ARID2: variants seen among roughly 807,000 people sequenced by gnomAD.
The protein encoded by ARID2 is AT-rich interaction domain 2, also known as AT-rich interactive domain-containing protein 2.
A neutral mutation model predicts 184.6 loss-of-function variants in ARID2; 32 were observed. The observed-to-expected ratio is 0.17, with a 90% CI of 0.13 to 0.23. The LOEUF (loss-of-function observed/expected upper bound fraction) is 0.23, where lower values mean the gene tolerates loss of function less well. ARID2 is among the 10% of genes least tolerant of loss of function. ARID2 has a pLI of 1.00. For synonymous variants in ARID2, 836 were observed against 772.6 expected, an observed-to-expected ratio of 1.08 and a Z score of -1.36; for missense variants, 1,696 against 2,197.6, an observed-to-expected ratio of 0.77 and a Z score of 4.56.
rs546346062 is a variant in ARID2 at position 45,808,792 on chromosome 12, T to C, written c.285-2626T>C. 7.9e-5 allele frequency among the ~76,000 whole-genome samples: 12 copies of C among 152,144 alleles called. No individual in the cohort carries two copies. The South Asian group carries it at 2.5e-3, about 32-fold the overall frequency. ...GTGTGTGTGTGTTGAGACGAAGTTT[T>C]GCCCTATCGTCCAGGCAGCTGGAGT... is the stretch of plus-strand genomic sequence containing the variant. On this transcript the variant is annotated intron_variant, in intron 3 of 20. Coordinates refer to ENST00000334344, the MANE Select transcript of ARID2 (RefSeq NM_152641.4).
intron 16 of ARID2, among the ~76,000 whole-genome samples, chr12:45,885,722 T>A (rs1944175147): frequency 1.3e-5 from 2 of 152,160 alleles, no homozygotes; most frequent in Non-Finnish European, 2.9e-5. Context: ...GAAGCAAACA[T>A]GTCCTTCTTC....
chr12:45,735,920 T>A (rs1363145506), intron 3 of ARID2, among the ~76,000 whole-genome samples: 1 of 152,236 alleles, frequency 6.6e-6, no homozygotes, highest in Non-Finnish European at 1.5e-5. Flanking sequence ...ATATGCTTTT[T>A]TTTTGCAGTT....
intron 6 of ARID2, among the ~76,000 whole-genome samples, chr12:45,828,229 A>T (rs1029595224): frequency 1.3e-5 from 2 of 151,518 alleles, no homozygotes. Flanking sequence ...TCCTTATTCT[A>T]CTTCTCTTTT....
At chr12:45,876,895 C>G (rs1275500189) in intron 16 of ARID2, among the ~76,000 whole-genome samples, 2 of 151,590 alleles carry the variant, frequency 1.3e-5, no homozygotes, top group Non-Finnish European at 2.9e-5. Flanking sequence ...CGAGACCATC[C>G]TGGCTAACAC....
intron 6 of ARID2, among the ~76,000 whole-genome samples, 184 bp downstream of exon 6, chr12:45,821,671 C>T (rs531530507): frequency 6.6e-6 from 1 of 152,104 alleles, no homozygotes; most frequent in Non-Finnish European, 1.5e-5. Flanking sequence ...TTAGAATACC[C>T]ACGAACAGAC....
rs116889588 is a variant in ARID2 at position 45,861,554 on chromosome 12, T to C, written c.4922+605T>C. 6.1e-4 allele frequency among the ~76,000 whole-genome samples: 92 copies of C among 151,954 alleles called. 1 individual carries two copies. The East Asian group carries it at 0.013, about 21-fold the overall frequency. On this transcript the variant is annotated intron_variant, in intron 16 of 20. Transcript: ENST00000334344. ...GACCTTTTGCCTTCAGTCATTTTTT[T>C]AGAGGTCTAGGACTAAGGCATTTGT...
chr12:45,804,749 C>A (rs1012288929), intron 3 of ARID2, among the ~76,000 whole-genome samples: 3 of 151,948 alleles, frequency 2.0e-5, no homozygotes, highest in Non-Finnish European at 4.4e-5. Context: ...ATCATCTAAA[C>A]CCCCACCTCC....
chr12:45,771,081 C>A lies in ARID2; in HGVS notation c.284+39767C>A, dbSNP rs1280102313. On this transcript the variant is annotated intron_variant, in intron 3 of 20. Transcript: ENST00000334344. Reference sequence around the variant, plus strand: ...CACACACAAAATTGACAAAAAGCACCACCAGCGAAGGTAATTATATAATTA... The same window carrying A: ...CACACACAAAATTGACAAAAAGCACAACCAGCGAAGGTAATTATATAATTA... 2.0e-5 allele frequency among the ~76,000 whole-genome samples: 3 copies of A among 152,142 alleles called. No homozygotes were observed. The East Asian group carries it at 5.8e-4, about 29-fold the overall frequency.
At chr12:45,837,106 G>A (rs1279193918) in intron 8 of ARID2, 115 bp downstream of exon 8, 6 of 1,340,434 alleles carry the variant, frequency 4.5e-6, no homozygotes, top group African/African-American at 4.4e-5. Context: ...ATGCTTACAT[G>A]TATTAGTTGC....
intron 20 of ARID2, among the ~76,000 whole-genome samples, chr12:45,901,500 A>G (rs1459245619): frequency 2.0e-5 from 3 of 151,328 alleles, no homozygotes; most frequent in African/African-American, 7.3e-5. Flanking sequence ...AGAGCTTGTT[A>G]TTGGTTGCCA....
intron 3 of ARID2, among the ~76,000 whole-genome samples, chr12:45,796,502 G>GTTTAT (rs1226311305): frequency 1.9e-4 from 29 of 151,742 alleles, no homozygotes; most frequent in East Asian, 5.8e-4. Context: ...TGAATAACAT[G>GTTTAT]TTTATTTTAT....
At chr12:45,736,553 G>A (rs1941128882) in intron 3 of ARID2, among the ~76,000 whole-genome samples, 1 of 152,072 alleles carries the variant, frequency 6.6e-6, no homozygotes, top group African/African-American at 2.4e-5. Flanking sequence ...GTGTTTTCCA[G>A]ACCTACTAAA....
intron 3 of ARID2, among the ~76,000 whole-genome samples, chr12:45,799,633 G>T (rs766476738): frequency 6.6e-6 from 1 of 152,152 alleles, no homozygotes; most frequent in Non-Finnish European, 1.5e-5. Flanking sequence ...ATAGTTGGGA[G>T]TCAAAAGATA....
chr12:45,897,922 G>C (rs1944390782), intron 20 of ARID2, among the ~76,000 whole-genome samples: 1 of 151,748 alleles, frequency 6.6e-6, no homozygotes, highest in South Asian at 2.1e-4. Context: ...ATGGCTCACT[G>C]CAGTCTTGAC....
chr12:45,877,520 T>C (rs1384307739), intron 16 of ARID2, among the ~76,000 whole-genome samples: 1 of 152,050 alleles, frequency 6.6e-6, no homozygotes, highest in Non-Finnish European at 1.5e-5. Context: ...AATTATTTCA[T>C]TATATGGTAC....
intron 15 of ARID2, among the ~76,000 whole-genome samples, chr12:45,859,166 A>G (rs1454699798): frequency 6.6e-5 from 10 of 152,238 alleles, no homozygotes; most frequent in Admixed American, 6.5e-4. Flanking sequence ...TCTGTCAAGG[A>G]TGGACCACAT....
intron 3 of ARID2, chr12:45,755,830 G>A (rs1941559126): frequency 6.0e-6 from 1 of 167,650 alleles, no homozygotes; most frequent in Non-Finnish European, 1.5e-5. Context: ...AGTGGGATAA[G>A]TATATCTACA....
intron 20 of ARID2, among the ~76,000 whole-genome samples, chr12:45,896,602 G>A (rs889855004): frequency 2.0e-5 from 3 of 152,288 alleles, no homozygotes; most frequent in East Asian, 3.9e-4. Flanking sequence ...CCCCAGCCAC[G>A]TGGAACTAAA....
chr12:45,736,489 A>G (rs1286320903), intron 3 of ARID2, among the ~76,000 whole-genome samples: 1 of 152,210 alleles, frequency 6.6e-6, no homozygotes, highest in African/African-American at 2.4e-5. Context: ...CTTAATATAT[A>G]TTTTTAGGTA....
Sources: allele counts gnomAD v4.1 joint callset (sites outside exome capture counted in the v4.1 genomes callset), GRCh38; gene constraint gnomAD v4.1.1; transcripts MANE v1.5; gene names NCBI Gene and HGNC (gene_info 2026-07-23, HGNC 2026-07-21).